The following FRMD4A variants were observed in gnomAD, a reference collection of about 807,000 sequenced individuals.
FRMD4A encodes FERM domain containing 4A, also known as FERM domain-containing protein 4A.
Under a neutral mutation model 129.1 loss-of-function variants are expected in FRMD4A, and 29 were observed. The observed-to-expected ratio is 0.22, with a 90% CI of 0.17 to 0.31. The LOEUF is 0.31. Ranked by LOEUF, FRMD4A falls within the 10% of genes least tolerant of loss-of-function variation. The pLI, the probability that FRMD4A is intolerant of heterozygous loss-of-function variation, is 1.00. For synonymous variants in FRMD4A, 634 were observed against 571.6 expected (o/e 1.11, Z -1.56); for missense variants, 1,272 against 1,375.8 (o/e 0.92, Z 1.19).
At chr10:13,844,361 G>A (rs2094012899) in intron 3 of FRMD4A, among the ~76,000 whole-genome samples, 1 of 152,130 alleles carries the variant, frequency 6.6e-6, no homozygotes, top group South Asian at 2.1e-4. Flanking sequence ...TAAATGAAAT[G>A]GAGTACTGAG....
chr10:14,080,549 T>C (rs1360745516), intron 2 of FRMD4A, among the ~76,000 whole-genome samples: 7 of 152,032 alleles, frequency 4.6e-5, no homozygotes, highest in Non-Finnish European at 1.0e-4. Context: ...CCAAGATGAT[T>C]GAGCCTCTTC....
At chr10:14,196,877 T>G (rs1188788578) in intron 2 of FRMD4A, among the ~76,000 whole-genome samples, 3 of 152,174 alleles carry the variant, frequency 2.0e-5, no homozygotes, top group African/African-American at 7.2e-5. Context: ...CTTCTTACCC[T>G]GGGGAGGAAT....
intron 2 of FRMD4A, among the ~76,000 whole-genome samples, chr10:14,055,669 T>C (rs540287633): frequency 6.6e-6 from 1 of 152,370 alleles, no homozygotes; most frequent in South Asian, 2.1e-4. Flanking sequence ...ATTTCTTTTA[T>C]GTAATTGAAA....
chr10:13,916,362 A>T (rs1009772464), intron 2 of FRMD4A, among the ~76,000 whole-genome samples: 4 of 152,078 alleles, frequency 2.6e-5, no homozygotes, highest in Non-Finnish European at 5.9e-5. Flanking sequence ...TTGCTTCTAC[A>T]TCTACTCTTA....
intron 2 of FRMD4A, among the ~76,000 whole-genome samples, chr10:13,978,316 G>A (rs1403095747): frequency 6.6e-6 from 1 of 152,188 alleles, no homozygotes; most frequent in East Asian, 1.9e-4. Context: ...CCCCCAGCAG[G>A]CTGCAGCAGA....
At chr10:13,671,337 C>T (rs543242190) in intron 16 of FRMD4A, among the ~76,000 whole-genome samples, 1 of 152,116 alleles carries the variant, frequency 6.6e-6, no homozygotes, top group South Asian at 2.1e-4. Flanking sequence ...ACCTGTAATC[C>T]CAGCTACTTG....
At position 14,243,978 on chromosome 10, in the gene FRMD4A, T is replaced by C. The variant is rs564900104; in HGVS notation, c.45+86080A>G. Among the ~76,000 whole-genome samples the C allele has an allele frequency of 1.2e-4, 18 of 152,292 alleles. No homozygotes were observed. In the South Asian group the frequency reaches 3.7e-3, roughly 32 times the overall value. Reference sequence around the variant, plus strand: ...CTCAACCTGTGGTCAAAGGCCTTCTTCTTTATCAATGAATGTACACAACTC... The same window carrying C: ...CTCAACCTGTGGTCAAAGGCCTTCTCCTTTATCAATGAATGTACACAACTC... On this transcript the variant is annotated intron_variant, in intron 2 of 24. Transcript: ENST00000357447.
chr10:14,047,750 T>G (rs1019527921), intron 2 of FRMD4A, among the ~76,000 whole-genome samples: 2 of 152,186 alleles, frequency 1.3e-5, no homozygotes, highest in African/African-American at 4.8e-5. Flanking sequence ...CCAGGAAGTA[T>G]GGGAGAATGG....
At chr10:14,031,368 A>G (rs938672408) in intron 2 of FRMD4A, among the ~76,000 whole-genome samples, 1 of 152,048 alleles carries the variant, frequency 6.6e-6, no homozygotes, top group Non-Finnish European at 1.5e-5. Flanking sequence ...CCCGGGTTCA[A>G]GTGATTCTCC....
intron 2 of FRMD4A, among the ~76,000 whole-genome samples, chr10:13,938,241 T>C (rs1203204764): frequency 7.1e-6 from 1 of 140,716 alleles, no homozygotes; most frequent in African/African-American, 2.5e-5. Context: ...GCTGTTTGTT[T>C]GTTTGTTTGT....
chr10:14,085,202 T>G (rs2767289), intron 2 of FRMD4A, among the ~76,000 whole-genome samples: 1 of 151,940 alleles, frequency 6.6e-6, no homozygotes, highest in Non-Finnish European at 1.5e-5. Context: ...CGCATGGTTA[T>G]GTCTAGGGAT....
At chr10:13,728,188 G>A (rs557104898) in intron 12 of FRMD4A, among the ~76,000 whole-genome samples, 11 of 152,170 alleles carry the variant, frequency 7.2e-5, no homozygotes, top group Non-Finnish European at 1.6e-4. Context: ...CCTTATGTTT[G>A]TTTAGTGCTT....
chr10:14,144,442 T>C (rs908232788), intron 2 of FRMD4A, among the ~76,000 whole-genome samples: 10 of 152,194 alleles, frequency 6.6e-5, no homozygotes, highest in African/African-American at 2.4e-4. Flanking sequence ...GTCAGGTGAA[T>C]CTTTCAAGCA....
intron 5 of FRMD4A, among the ~76,000 whole-genome samples, chr10:13,787,703 C>G (rs2092902569): frequency 6.6e-6 from 1 of 151,822 alleles, no homozygotes; most frequent in Admixed American, 6.6e-5. Flanking sequence ...AAGTAATTAT[C>G]CTACCCTGAC....
chr10:14,042,021 GTTTCT>G (rs1380906124), intron 2 of FRMD4A, among the ~76,000 whole-genome samples: 1 of 152,098 alleles, frequency 6.6e-6, no homozygotes, highest in African/African-American at 2.4e-5. Flanking sequence ...TAAAGTAGAG[GTTTCT>G]CTTCAAAAAT....
intron 5 of FRMD4A, among the ~76,000 whole-genome samples, chr10:13,786,613 A>T (rs1213616182): frequency 6.6e-6 from 1 of 152,186 alleles, no homozygotes; most frequent in Non-Finnish European, 1.5e-5. Flanking sequence ...TCTCAAAAAT[A>T]AATAAATAAA....
intron 3 of FRMD4A, among the ~76,000 whole-genome samples, chr10:13,836,116 G>C (rs2093870455): frequency 6.6e-6 from 1 of 152,194 alleles, no homozygotes; most frequent in South Asian, 2.1e-4. Context: ...TCCTGCTTCA[G>C]CCTCCTGAGT....
chr10:13,897,062 T>C (rs1256482845), intron 2 of FRMD4A, among the ~76,000 whole-genome samples: 4 of 152,242 alleles, frequency 2.6e-5, no homozygotes, highest in Non-Finnish European at 5.9e-5. Flanking sequence ...ATTCCAAAAA[T>C]GGAACACTAG....
chr10:13,969,670 G>C (rs956709463), intron 2 of FRMD4A, among the ~76,000 whole-genome samples: 6 of 152,166 alleles, frequency 3.9e-5, no homozygotes, highest in African/African-American at 1.4e-4. Flanking sequence ...GGCCAACGTA[G>C]TGAGACCCCC....
Sources: gnomAD v4.1 joint callset for allele counts (sites outside exome capture counted in the v4.1 genomes callset) on GRCh38, gnomAD v4.1.1 for gene constraint, MANE v1.5 for transcripts, NCBI Gene and HGNC (gene_info 2026-07-23, HGNC 2026-07-21) for gene names.